STAU2: variants seen among roughly 807,000 people sequenced by gnomAD.
STAU2 encodes the protein staufen double-stranded RNA binding protein 2, also known as double-stranded RNA-binding protein Staufen homolog 2.
STAU2 carries 20 observed loss-of-function variants against 65.9 expected under a neutral mutation model. The ratio of observed to expected loss-of-function variants is 0.30; its 90% CI spans 0.21 to 0.44. STAU2 has a LOEUF of 0.44. Ranked by LOEUF, STAU2 falls within the 20% of genes least tolerant of loss-of-function variation. The pLI is 1.00. For missense variants in STAU2, 558 were observed against 683.9 expected, an observed-to-expected ratio of 0.82 and a Z score of 2.05; for synonymous variants, 232 against 233.9, an observed-to-expected ratio of 0.99 and a Z score of 0.07.
chr8:73,501,702 T>G (rs1821762491), intron 13 of STAU2, among the ~76,000 whole-genome samples: 1 of 151,998 alleles, frequency 6.6e-6, no homozygotes, highest in Non-Finnish European at 1.5e-5. Context: ...AATTCAAAAT[T>G]TTGGCCTTAA....
At chr8:73,690,385 A>G (rs887752095) in intron 4 of STAU2, among the ~76,000 whole-genome samples, 11 of 151,562 alleles carry the variant, frequency 7.3e-5, no homozygotes, top group Non-Finnish European at 1.3e-4. Flanking sequence ...GATAAATACC[A>G]TGCATGATCC....
intron 3 of STAU2, among the ~76,000 whole-genome samples, chr8:73,717,709 G>A (rs372659286): frequency 1.3e-5 from 2 of 152,154 alleles, no homozygotes; most frequent in African/African-American, 2.4e-5. Context: ...GTGCAGTGGC[G>A]CGATCTCAGC....
intron 1 of STAU2, 74 bp downstream of exon 1, chr8:73,746,709 C>G (rs1203284315): frequency 1.0e-6 from 1 of 960,392 alleles, no homozygotes; most frequent in Non-Finnish European, 1.4e-6. Context: ...GCAGGGCTCC[C>G]CAGCGCCCTC....
At chr8:73,636,795 A>C (rs1048711633) in intron 6 of STAU2, among the ~76,000 whole-genome samples, 27 of 150,534 alleles carry the variant, frequency 1.8e-4, no homozygotes, top group Non-Finnish European at 3.0e-4. Context: ...CCTGGGAGGC[A>C]GAGGTTACAG....
chr8:73,543,452 A>G (rs1806685920), intron 13 of STAU2, among the ~76,000 whole-genome samples: 1 of 152,232 alleles, frequency 6.6e-6, no homozygotes, highest in African/African-American at 2.4e-5. Flanking sequence ...AAGTGTAGTT[A>G]TCTCTGACAC....
intron 13 of STAU2, among the ~76,000 whole-genome samples, chr8:73,432,559 C>T (rs10957664): frequency 0.32 from 48,524 of 151,832 alleles, 8,887 homozygotes; most frequent in Non-Finnish European, 0.41. Flanking sequence ...ATAAGAGAAA[C>T]CAAAAAGACA....
chr8:73,613,709 G>A (rs1319264000), intron 9 of STAU2, 35 bp downstream of exon 9: 2 of 1,514,120 alleles, frequency 1.3e-6, no homozygotes, highest in Non-Finnish European at 1.8e-6. Context: ...TATTTATTTA[G>A]TAAAACTGAC....
intron 13 of STAU2, among the ~76,000 whole-genome samples, chr8:73,524,802 T>C (rs1326001642): frequency 1.3e-5 from 2 of 152,218 alleles, no homozygotes; most frequent in African/African-American, 4.8e-5. Context: ...TGCTTTAAAA[T>C]GTTTCCCTAT....
intron 4 of STAU2, among the ~76,000 whole-genome samples, chr8:73,693,058 A>G (rs28815500): frequency 0.28 from 41,880 of 151,868 alleles, 6,271 homozygotes; most frequent in East Asian, 0.45. Context: ...CTACTGAGGA[A>G]GCTGAAGCAG....
At chr8:73,738,565 G>C (rs2130778767) in intron 2 of STAU2, among the ~76,000 whole-genome samples, 1 of 152,306 alleles carries the variant, frequency 6.6e-6, no homozygotes, top group East Asian at 1.9e-4. Context: ...AATGTGGCTA[G>C]AGCAATCAAG....
At chr8:73,712,144 A>G (rs1303429149) in intron 3 of STAU2, among the ~76,000 whole-genome samples, 1 of 152,224 alleles carries the variant, frequency 6.6e-6, no homozygotes, top group African/African-American at 2.4e-5. Flanking sequence ...AAATGCACAT[A>G]ATGTTACACA....
At chr8:73,733,629 A>G (rs564927131) in intron 3 of STAU2, among the ~76,000 whole-genome samples, 1 of 152,364 alleles carries the variant, frequency 6.6e-6, no homozygotes, top group South Asian at 2.1e-4. Flanking sequence ...GGCATAATCC[A>G]AAGAATGTTA....
intron 12 of STAU2, among the ~76,000 whole-genome samples, chr8:73,559,802 C>T (rs1256289864): frequency 6.6e-6 from 1 of 152,154 alleles, no homozygotes; most frequent in East Asian, 1.9e-4. Context: ...ACACACAGCT[C>T]ACTGCAAATC....
intron 3 of STAU2, among the ~76,000 whole-genome samples, chr8:73,712,987 G>A (rs1383287823): frequency 2.0e-5 from 3 of 152,016 alleles, no homozygotes; most frequent in African/African-American, 4.8e-5. Context: ...TGAAAAGCAT[G>A]TATTTGTTAT....
At chr8:73,598,942 T>C (rs1811417149) in intron 10 of STAU2, among the ~76,000 whole-genome samples, 1 of 152,082 alleles carries the variant, frequency 6.6e-6, no homozygotes, top group African/African-American at 2.4e-5. Flanking sequence ...GCAAATCTTC[T>C]ACATAGAAAA....
At chr8:73,683,626 A>G (rs1818590686) in intron 5 of STAU2, among the ~76,000 whole-genome samples, 4 of 152,200 alleles carry the variant, frequency 2.6e-5, no homozygotes, top group Admixed American at 2.6e-4. Flanking sequence ...CGACAAGAGA[A>G]AGAAATAAAG....
chr8:73,700,644 T>TAA (rs1820032262), intron 4 of STAU2, among the ~76,000 whole-genome samples: 1 of 151,734 alleles, frequency 6.6e-6, no homozygotes, highest in Non-Finnish European at 1.5e-5. Flanking sequence ...ATGAAAACTA[T>TAA]AAAACACTGA....
intron 6 of STAU2, among the ~76,000 whole-genome samples, chr8:73,639,505 A>C (rs1013310318): frequency 6.6e-6 from 1 of 152,094 alleles, no homozygotes; most frequent in Non-Finnish European, 1.5e-5. Flanking sequence ...TAAGAAAAAA[A>C]GATAGTACTA....
chr8:73,609,453 A>G (rs1812279722), intron 9 of STAU2, among the ~76,000 whole-genome samples: 1 of 152,036 alleles, frequency 6.6e-6, no homozygotes, highest in Non-Finnish European at 1.5e-5. Context: ...GGAGATCAAG[A>G]CCAGCCTGGC....
Sources: allele counts gnomAD v4.1 joint callset (sites outside exome capture counted in the v4.1 genomes callset), GRCh38; gene constraint gnomAD v4.1.1; transcripts MANE v1.5; gene names NCBI Gene and HGNC (gene_info 2026-07-23, HGNC 2026-07-21).